Variants in SERPINB6 observed in about 807,000 individuals in gnomAD.
SERPINB6 encodes serpin family B member 6, also known as serpin B6.
SERPINB6 carries 16 observed loss-of-function variants against 26.1 expected under a neutral mutation model. The observed-to-expected ratio is 0.61, with a 90% CI of 0.42 to 0.93. The LOEUF (loss-of-function observed/expected upper bound fraction) is 0.93. Among genes scored for constraint, SERPINB6 ranks in the 40% least tolerant of loss-of-function variants. The pLI is 0.00. For missense variants in SERPINB6, 420 were observed against 478.0 expected (o/e 0.88, Z 1.13); for synonymous variants, 174 against 176.6 (o/e 0.99, Z 0.11).
chr6:2,955,555 A>G lies in SERPINB6; in HGVS notation c.281T>C (p.Leu94Pro), dbSNP rs1391225021. Residue 94 changes from leucine (L) to proline (P), a missense_variant, in exon 3 of 7, where the codon CTC (leucine) becomes CCC (proline). Coordinates refer to ENST00000380539, the MANE Select transcript of SERPINB6 (RefSeq NM_004568.6). ...TQYLLRMANRLFGEKSCDFLS... is the reference protein window; with the variant it reads ...TQYLLRMANRPFGEKSCDFLS... ...GAAATCACAAGACTTTTCCCCAAAGAGCCTGTTGGCCATCCTAAGCAAGTA... is the reference window on the plus strand; with the variant it reads ...GAAATCACAAGACTTTTCCCCAAAGGGCCTGTTGGCCATCCTAAGCAAGTA... 6.2e-7 allele frequency: 1 copy of G among 1,614,118 alleles called. No homozygotes were observed. Among genetic ancestry groups the G allele is most frequent in the Non-Finnish European group, 8.5e-7 (1 of 1,180,046 alleles).
chr6:2,969,665 A>G (rs1227312544), intron 1 of SERPINB6: 3 of 985,092 alleles, frequency 3.0e-6, no homozygotes, highest in African/African-American at 1.8e-5. Flanking sequence ...CTCAACTTCT[A>G]TTAAGGATGC....
chr6:2,953,233 T>A, intron 4 of SERPINB6, 47 bp from the exon 5 acceptor site: 12 of 1,613,118 alleles, frequency 7.4e-6, no homozygotes, highest in Non-Finnish European at 1.0e-5. Flanking sequence ...CGGCTGCGGA[T>A]CCCCGACACA....
intron 2 of SERPINB6, among the ~76,000 whole-genome samples, chr6:2,958,450 G>A (rs1196041364): frequency 6.6e-6 from 1 of 152,200 alleles, no homozygotes; most frequent in African/African-American, 2.4e-5. Context: ...GCAGGACACA[G>A]GCGGGGACGT....
In SERPINB6 at chr6:2,959,304, G is replaced by C. The variant is rs751978309; in HGVS notation, c.29C>G (p.Thr10Ser). MDVLAEANG[T>S]FALNLLKTLG... is the part of the protein sequence containing the mutation. ...CGTTTTCAAAAGGTTTAAGGCAAAG[G>C]TGCCATTTGCTTCTGCGAGAACATC... Residue 10 changes from threonine to serine, a missense_variant, in exon 2 of 7, where the codon ACC becomes AGC. By Grantham distance (58) the Thr-to-Ser change is moderately conservative (BLOSUM62 1). Transcript: ENST00000380539. 2 of 1,614,176 alleles carry C rather than the reference G, an allele frequency of 1.2e-6. No homozygotes were observed. The highest frequency in any genetic ancestry group is 1.7e-5 in the Admixed American group (1 of 60,010).
intron 5 of SERPINB6, among the ~76,000 whole-genome samples, chr6:2,951,724 C>T (rs1769835350): frequency 6.6e-6 from 1 of 152,230 alleles, no homozygotes; most frequent in South Asian, 2.1e-4. Flanking sequence ...CTCAATACTG[C>T]AGCCCCTTCC....
chr6:2,948,179 T>G lies in SERPINB6; in HGVS notation c.*119A>C, dbSNP rs940906366. ...CGGAGTGAATGCGGCATCCCACAAATGGGCCCTTTATTTCTGAACTGCCAC... is the reference window on the plus strand; with the variant it reads ...CGGAGTGAATGCGGCATCCCACAAAGGGGCCCTTTATTTCTGAACTGCCAC... On this transcript the variant is annotated 3_prime_UTR_variant, in exon 7 of 7. Transcript: ENST00000380539. This position sits in a 1 kb window ranked among gnomAD's most constrained non-coding sequence, Gnocchi z 5.0. 2.7e-6 allele frequency: 3 copies of G among 1,118,456 alleles called. No individual in the cohort carries two copies. In the African/African-American group the frequency reaches 4.6e-5, roughly 17 times the overall value. The allele number at this position is 1,118,456 out of a possible 1,614,324, so 69.3% of individuals were successfully genotyped here.
intron 4 of SERPINB6, 31 bp from the exon 5 acceptor site, chr6:2,953,217 T>C (rs773909751): frequency 6.8e-6 from 11 of 1,613,752 alleles, no homozygotes; most frequent in Non-Finnish European, 9.3e-6. Flanking sequence ...CCGCATTAGA[T>C]AGGGGCGGCT....
chr6:2,968,402 T>G, intron 1 of SERPINB6: 185 of 759,536 alleles, frequency 2.4e-4, no homozygotes, highest in Non-Finnish European at 2.7e-4. Flanking sequence ...ACCTGCGACA[T>G]GAGTTTACCT....
At chr6:2,951,215 G>A (rs897035033) in intron 5 of SERPINB6, among the ~76,000 whole-genome samples, 5 of 152,024 alleles carry the variant, frequency 3.3e-5, no homozygotes, top group African/African-American at 9.6e-5. Flanking sequence ...GTGAAACCCC[G>A]TCTCTACTAA....
intron 1 of SERPINB6, chr6:2,961,915 AG>A (rs2113286755): frequency 1.0e-6 from 1 of 985,020 alleles, no homozygotes; most frequent in East Asian, 1.1e-4. Flanking sequence ...TGTAGAGACA[AG>A]GTTCTTGCCA....
At chr6:2,960,310 G>A (rs1770951282) in intron 1 of SERPINB6, 3 of 152,352 alleles carry the variant, frequency 2.0e-5, no homozygotes, top group Admixed American at 6.5e-5. Flanking sequence ...CGGAAGTGAA[G>A]CTAAGAAGTA....
Position 2,959,349 on chromosome 6 carries a change from C to T in SERPINB6, c.-10-7G>A. 2 of 1,613,504 alleles carry T rather than the reference C, an allele frequency of 1.2e-6. No homozygotes were observed. Among genetic ancestry groups the T allele is most frequent in the Non-Finnish European group, 1.7e-6 (2 of 1,180,002 alleles). On this transcript the variant is annotated splice_region_variant and splice_polypyrimidine_tract_variant and intron_variant, in intron 1 of 6. Transcript: ENST00000380539. ...AACATCCATGATGGCAGACCTGGAA[C>T]AAGATTTAAAATCAGTATCACTTAA...
intron 2 of SERPINB6, chr6:2,958,100 AG>A (rs1024925390): frequency 1.3e-5 from 2 of 152,252 alleles, no homozygotes; most frequent in African/African-American, 4.8e-5. Flanking sequence ...GGGCCTTTAC[AG>A]GGGTGATTAA....
intron 1 of SERPINB6, chr6:2,959,622 C>T (rs1283555575): frequency 2.1e-6 from 1 of 470,584 alleles, no homozygotes; most frequent in Non-Finnish European, 3.9e-6. Context: ...AAGGAGGCAC[C>T]CTTTCCTGGA....
intron 1 of SERPINB6, chr6:2,963,762 C>T (rs539599091): frequency 6.6e-6 from 1 of 152,326 alleles, no homozygotes; most frequent in Non-Finnish European, 1.5e-5. Flanking sequence ...CAAATCTTAC[C>T]CAAGGGAGTT....
At chr6:2,956,147 C>T (rs1336830312) in intron 2 of SERPINB6, 2 of 166,584 alleles carry the variant, frequency 1.2e-5, no homozygotes, top group African/African-American at 2.4e-5. Flanking sequence ...CCTGTCTGTG[C>T]TGGCATGAGC....
At chr6:2,958,543 G>A (rs533217449) in intron 2 of SERPINB6, among the ~76,000 whole-genome samples, 3 of 152,246 alleles carry the variant, frequency 2.0e-5, no homozygotes, top group African/African-American at 7.2e-5. Flanking sequence ...CCCAGGCAAC[G>A]CTGCTGAAGG....
intron 1 of SERPINB6, chr6:2,969,282 GTCA>G: frequency 1.0e-6 from 1 of 985,516 alleles, no homozygotes; most frequent in Non-Finnish European, 1.2e-6. Flanking sequence ...CTCAAGACCT[GTCA>G]ATGGCTTTTT....
chr6:2,959,188 T>C lies in SERPINB6; in HGVS notation c.145A>G (p.Thr49Ala). The C allele has an allele frequency of 6.2e-7, 1 of 1,614,206 alleles. No homozygotes were observed. The highest frequency in any genetic ancestry group is 8.5e-7 in the Non-Finnish European group (1 of 1,180,034). Residue 49 changes from threonine (T) to alanine (A), a missense_variant, in exon 2 of 7, where the codon ACC becomes GCC. Thr to Ala is a moderately conservative substitution (Grantham distance 58). Transcript: ENST00000380539. ...AMVYMGAKGN[T>A]AAQMAQILSF... Reference sequence around the variant, plus strand: ...TGTACCTGGGCCATCTGTGCAGCGGTGTTTCCCTTTGCCCCCATGTAGACC... The same window carrying C: ...TGTACCTGGGCCATCTGTGCAGCGGCGTTTCCCTTTGCCCCCATGTAGACC...
Sources: gnomAD v4.1 joint callset for allele counts (sites outside exome capture counted in the v4.1 genomes callset) on GRCh38, gnomAD v4.1.1 for gene constraint, Gnocchi (gnomAD v3.1) non-coding constraint, MANE v1.5 for transcripts, NCBI Gene and HGNC (gene_info 2026-07-23, HGNC 2026-07-21) for gene names.